Variants in SLC35D4 observed in about 807,000 individuals in gnomAD.
SLC35D4 encodes UDP-N-acetylglucosamine transporter SLC35D4.
chr18:23,388,987 CTT>C, the SLC35D4 span, among the ~76,000 whole-genome samples: 18 of 126,150 alleles, frequency 1.4e-4, no homozygotes, highest in Admixed American at 1.6e-4. Context: ...TCAAGTAGTT[CTT>C]TTTTTTTTTT....
At chr18:23,392,877 A>G in the SLC35D4 span, among the ~76,000 whole-genome samples, 1 of 152,076 alleles carries the variant, frequency 6.6e-6, no homozygotes, top group Non-Finnish European at 1.5e-5. Flanking sequence ...TTTTCACACA[A>G]TCCTCAAAAA....
chr18:23,250,248 T>G, the SLC35D4 span, among the ~76,000 whole-genome samples: 4 of 152,230 alleles, frequency 2.6e-5, no homozygotes, highest in Non-Finnish European at 4.4e-5. Flanking sequence ...ATGACTTTAC[T>G]TGAGCCTGCT....
At chr18:23,417,553 C>T in the SLC35D4 span, among the ~76,000 whole-genome samples, 2 of 152,004 alleles carry the variant, frequency 1.3e-5, no homozygotes, top group Non-Finnish European at 2.9e-5. Flanking sequence ...TTAATGGGTA[C>T]AGAGTTTATG....
At chr18:23,313,196 C>G in the SLC35D4 span, among the ~76,000 whole-genome samples, 3 of 125,358 alleles carry the variant, frequency 2.4e-5, no homozygotes, top group African/African-American at 8.9e-5. Flanking sequence ...GGCACATGAA[C>G]ATGCAACAGG....
chr18:23,288,427 G>A, the SLC35D4 span, among the ~76,000 whole-genome samples: 6 of 151,718 alleles, frequency 4.0e-5, no homozygotes, highest in African/African-American at 7.3e-5. Flanking sequence ...TTCAGGCCCC[G>A]TCCCTTCCCT....
chr18:23,434,258 G>C, the SLC35D4 span, among the ~76,000 whole-genome samples: 44 of 152,048 alleles, frequency 2.9e-4, no homozygotes, highest in South Asian at 1.5e-3. Context: ...CAATCTCCTT[G>C]GTCTCCCCTT....
chr18:23,416,849 G>A, the SLC35D4 span, among the ~76,000 whole-genome samples: 2 of 152,226 alleles, frequency 1.3e-5, no homozygotes, highest in East Asian at 3.9e-4. Context: ...CAAATGTCTA[G>A]TGGGTCTCAA....
chr18:23,378,529 T>A, the SLC35D4 span, among the ~76,000 whole-genome samples: 3,737 of 152,318 alleles, frequency 0.025, 54 homozygotes, highest in Middle Eastern at 0.061. Flanking sequence ...GCATTTAAAT[T>A]ACCTGTAATG....
the SLC35D4 span, chr18:23,331,071 C>G: frequency 0.017 from 2,610 of 152,404 alleles, 285 homozygotes; most frequent in Admixed American, 0.16. Flanking sequence ...CCAGCAGGAG[C>G]GTTCAGCGAG....
At chr18:23,396,111 G>A in the SLC35D4 span, among the ~76,000 whole-genome samples, 2 of 152,134 alleles carry the variant, frequency 1.3e-5, no homozygotes, top group Non-Finnish European at 2.9e-5. Flanking sequence ...AGATCATTTG[G>A]TTGTGAGTCT....
chr18:23,300,614 G>T, the SLC35D4 span, among the ~76,000 whole-genome samples: 15 of 152,322 alleles, frequency 9.8e-5, no homozygotes, highest in Middle Eastern at 3.4e-3. Flanking sequence ...ACTGTTAGGA[G>T]AGCCAGGGAG....
chr18:23,379,776 T>C, the SLC35D4 span, among the ~76,000 whole-genome samples: 1 of 152,136 alleles, frequency 6.6e-6, no homozygotes, highest in Non-Finnish European at 1.5e-5. Context: ...GGGTTCTAAA[T>C]GGGTTATTAT....
At chr18:23,421,300 A>T in the SLC35D4 span, 1 of 1,336,860 alleles carries the variant, frequency 7.5e-7, no homozygotes, top group Admixed American at 1.8e-5. Flanking sequence ...ACACCATATG[A>T]AATTATATAA....
chr18:23,352,037 G>A, the SLC35D4 span, among the ~76,000 whole-genome samples: 9 of 152,188 alleles, frequency 5.9e-5, no homozygotes, highest in Non-Finnish European at 1.3e-4. Flanking sequence ...AAATGAGCAG[G>A]CCTCAGAAAT....
the SLC35D4 span, chr18:23,368,630 C>A: frequency 1.1e-6 from 1 of 924,462 alleles, no homozygotes; most frequent in South Asian, 1.6e-5. Flanking sequence ...CACATTGGCT[C>A]AGAACTCTTC....
the SLC35D4 span, chr18:23,257,382 A>C: frequency 6.3e-7 from 1 of 1,580,682 alleles, no homozygotes; most frequent in South Asian, 1.2e-5. Flanking sequence ...GGCCCCGAGG[A>C]CAGCCAAGGG....
chr18:23,360,624 G>A, the SLC35D4 span, among the ~76,000 whole-genome samples: 36,938 of 152,070 alleles, frequency 0.24, 5,600 homozygotes, highest in South Asian at 0.38. Context: ...TGGAGAGGGA[G>A]TGACTAGGAA....
the SLC35D4 span, chr18:23,371,303 C>T: frequency 2.5e-5 from 19 of 749,514 alleles, no homozygotes; most frequent in Non-Finnish European, 3.7e-5. Context: ...CAAGGTTGCC[C>T]AGGCTGGTCT....
chr18:23,305,902 G>A, the SLC35D4 span, among the ~76,000 whole-genome samples: 1 of 152,154 alleles, frequency 6.6e-6, no homozygotes, highest in Admixed American at 6.5e-5. Flanking sequence ...CACATATGAG[G>A]CACTTGGTAA....
Sources: allele counts gnomAD v4.1 joint callset (sites outside exome capture counted in the v4.1 genomes callset), GRCh38; gene constraint gnomAD v4.1.1; transcripts MANE v1.5; gene names NCBI Gene and HGNC (gene_info 2026-07-23, HGNC 2026-07-21).